VPS33A: variants seen among roughly 807,000 people sequenced by gnomAD.
VPS33A encodes vacuolar protein sorting-associated protein 33A.
Under a neutral mutation model 71.8 loss-of-function variants are expected in VPS33A, and 32 were observed. The observed-to-expected ratio is 0.45, with a 90% confidence interval of 0.34 to 0.60. The LOEUF (loss-of-function observed/expected upper bound fraction) is 0.60. VPS33A is among the 20% of genes least tolerant of loss of function. VPS33A has a pLI of 0.02. For missense variants in VPS33A, 625 were observed against 748.5 expected, an observed-to-expected ratio of 0.84 and a Z score of 1.92; for synonymous variants, 311 against 292.7, an observed-to-expected ratio of 1.06 and a Z score of -0.64.
At chr12:122,250,117 G>A in intron 5 of VPS33A, 72 bp from the exon 6 acceptor site, 1 of 1,434,610 alleles carries the variant, frequency 7.0e-7, no homozygotes, top group Non-Finnish European at 9.3e-7. Flanking sequence ...TCTAAAACCA[G>A]AAAGACAATC....
chr12:122,251,418 C>A (rs1306234039), intron 4 of VPS33A, among the ~76,000 whole-genome samples: 1 of 152,196 alleles, frequency 6.6e-6, no homozygotes, highest in Admixed American at 6.5e-5. Context: ...AGAATACAGA[C>A]TTACACTGAA....
At chr12:122,253,119 T>C (rs1368752441) in intron 4 of VPS33A, 1 of 152,166 alleles carries the variant, frequency 6.6e-6, no homozygotes, top group Non-Finnish European at 1.5e-5. Flanking sequence ...TGGTTATTAT[T>C]GAGAGTGTCG....
chr12:122,255,143 T>A (rs1192941125), intron 4 of VPS33A, among the ~76,000 whole-genome samples: 2 of 152,202 alleles, frequency 1.3e-5, no homozygotes, highest in Non-Finnish European at 2.9e-5. Flanking sequence ...ACAGATTTTG[T>A]CACTCCAAGA....
intron 4 of VPS33A, among the ~76,000 whole-genome samples, chr12:122,261,049 A>G (rs780294982): frequency 2.6e-5 from 4 of 152,262 alleles, no homozygotes; most frequent in Non-Finnish European, 4.4e-5. Context: ...CAGCTTTTAT[A>G]ATCCATAATG....
intron 8 of VPS33A, chr12:122,240,992 G>A (rs1192203919): frequency 6.6e-6 from 1 of 152,036 alleles, no homozygotes; most frequent in Non-Finnish European, 1.5e-5. Flanking sequence ...AAATAAGCCA[G>A]GCGTGGTGGC....
At chr12:122,233,112 C>T (rs1954586445) in intron 11 of VPS33A, 144 bp from the exon 12 acceptor site, 1 of 924,932 alleles carries the variant, frequency 1.1e-6, no homozygotes, top group Non-Finnish European at 1.5e-6. Flanking sequence ...TTCTAATCCA[C>T]CCTAGCTGGG....
chr12:122,239,377 A>G (rs1464344080), intron 9 of VPS33A, among the ~76,000 whole-genome samples: 3 of 152,232 alleles, frequency 2.0e-5, no homozygotes, highest in Non-Finnish European at 2.9e-5. Flanking sequence ...TGTCTTGCAC[A>G]GAATAATGTT....
At position 122,266,194 on chromosome 12, in the gene VPS33A, T is replaced by A. The variant is rs548754824; in HGVS notation, c.102+113A>T. 2,407 of 1,456,248 alleles carry A rather than the reference T, an allele frequency of 1.7e-3. 2 individuals are homozygous for A. Among genetic ancestry groups the A allele is most frequent in the Non-Finnish European group, 2.0e-3 (2,171 of 1,094,838 alleles). The allele number at this position is 1,456,248 out of a possible 1,614,324, so 90.2% of individuals were successfully genotyped here. A position where few individuals can be genotyped will look rare whatever the true frequency, so the allele number is the denominator to read the frequency against. ...AGGTAAAAGGGCCCTGAGGCTCGCC[T>A]CCTTGGAAGCCCCAAGGACCTCATA... On this transcript the variant is annotated intron_variant, in intron 1 of 12. Coordinates refer to ENST00000267199, the MANE Select transcript of VPS33A (RefSeq NM_022916.6).
chr12:122,239,017 A>AC (rs1555247743), intron 9 of VPS33A, among the ~76,000 whole-genome samples: 2 of 138,448 alleles, frequency 1.4e-5, no homozygotes, highest in African/African-American at 5.1e-5. Flanking sequence ...ACACACACAC[A>AC]CACACCCCCC....
rs542558110 is a variant in VPS33A at position 122,235,258 on chromosome 12, C to A, written c.1440+528G>T. Among the ~76,000 whole-genome samples, 267 of 151,558 alleles carry A rather than the reference C, an allele frequency of 1.8e-3. 1 individual carries two copies. The highest frequency in any genetic ancestry group is 5.6e-3 in the African/African-American group (231 of 41,304). ...ACAAGAATGAGCCACCGAGCCTGCC[C>A]CATAACTTTTTTTTTTTTTTTTTTG... On this transcript the variant is annotated intron_variant, in intron 11 of 12. Coordinates refer to ENST00000267199, the MANE Select transcript of VPS33A (RefSeq NM_022916.6).
At chr12:122,256,284 G>GA (rs1954917640) in intron 4 of VPS33A, among the ~76,000 whole-genome samples, 1 of 151,880 alleles carries the variant, frequency 6.6e-6, no homozygotes, top group South Asian at 2.1e-4. Flanking sequence ...TTGGTAAGAA[G>GA]AAAAAAAGGC....
intron 4 of VPS33A, among the ~76,000 whole-genome samples, chr12:122,255,054 GAAAAAA>G (rs35670853): frequency 1.5e-5 from 2 of 129,796 alleles, no homozygotes; most frequent in Admixed American, 1.6e-4. Flanking sequence ...CAGTTTCAAG[GAAAAAA>G]AAAAAAAAAA....
Position 122,232,988 on chromosome 12 carries a change from C to G in VPS33A, c.1441-20G>C. On this transcript the variant is annotated intron_variant, in intron 11 of 12. Coordinates refer to ENST00000267199, the MANE Select transcript of VPS33A (RefSeq NM_022916.6). ...GGGGTTCTGTGAGATAATTAAAGAA[C>G]AAAAACCCTATAGATACAGAGACTT... 6.4e-7 allele frequency: 1 copy of G among 1,573,366 alleles called. No individual in the cohort carries two copies. The highest frequency in any genetic ancestry group is 1.4e-5 in the African/African-American group (1 of 73,670).
chr12:122,260,858 C>T (rs1311461120), intron 4 of VPS33A, among the ~76,000 whole-genome samples: 3 of 152,092 alleles, frequency 2.0e-5, no homozygotes, highest in African/African-American at 7.2e-5. Flanking sequence ...ACTTGTAATC[C>T]CAGCTACTCA....
At chr12:122,252,864 C>T (rs530696785) in intron 4 of VPS33A, 1 of 152,292 alleles carries the variant, frequency 6.6e-6, no homozygotes, top group East Asian at 1.9e-4. Context: ...ACAGCAAATG[C>T]TCAGTAACAG....
intron 10 of VPS33A, among the ~76,000 whole-genome samples, chr12:122,236,754 A>G (rs1469041716): frequency 6.6e-6 from 1 of 152,226 alleles, no homozygotes; most frequent in Non-Finnish European, 1.5e-5. Flanking sequence ...TAACCCCATG[A>G]CGTAGGTATC....
chr12:122,232,540 T>C, intron 12 of VPS33A, 113 bp from the exon 13 acceptor site: 1 of 1,187,244 alleles, frequency 8.4e-7, no homozygotes, highest in Non-Finnish European at 1.1e-6. Context: ...ATCCAGACAG[T>C]TCATCTGAAA....
At position 122,261,337 on chromosome 12, in the gene VPS33A, T is replaced by C. The variant is rs1954991691; in HGVS notation, c.407A>G (p.His136Arg). ...KDLGVLGSFI[H>R]REEYSLDLIP... ...GAGATCTAAGCTGTACTCCTCCCTG[T>C]GAATAAAGGATCCCAAGACACCCAG... The change falls in exon 4 of 13, where the codon CAC (histidine) becomes CGC (arginine). Residue 136 changes from histidine to arginine, a missense_variant. Transcript: ENST00000267199. 3.7e-6 allele frequency: 6 copies of C among 1,614,074 alleles called. No homozygotes were observed. Among genetic ancestry groups the C allele is most frequent in the Non-Finnish European group, 5.1e-6 (6 of 1,180,006 alleles).
intron 8 of VPS33A, 21 bp from the exon 9 acceptor site, chr12:122,239,966 T>C (rs1280165531): frequency 6.3e-7 from 1 of 1,578,778 alleles, no homozygotes; most frequent in Non-Finnish European, 8.7e-7. Context: ...ATTAGCAAAT[T>C]TGCAACTTAG....
Sources: allele counts gnomAD v4.1 joint callset (sites outside exome capture counted in the v4.1 genomes callset), GRCh38; gene constraint gnomAD v4.1.1; transcripts MANE v1.5; gene names NCBI Gene and HGNC (gene_info 2026-07-23, HGNC 2026-07-21).